MEF2A: variants seen among roughly 807,000 people sequenced by gnomAD.
MEF2A encodes the protein myocyte-specific enhancer factor 2A.
MEF2A carries 28 observed loss-of-function variants against 55.8 expected under a neutral mutation model. The ratio of observed to expected loss-of-function variants is 0.50; its 90% confidence interval spans 0.37 to 0.69. MEF2A has a LOEUF of 0.69. MEF2A is among the 30% of genes least tolerant of loss of function. The probability of loss-of-function intolerance (pLI) is 0.00; values close to 1 mark genes in which losing one functional copy is unlikely to be tolerated. For synonymous variants in MEF2A, 239 were observed against 227.1 expected (o/e 1.05, Z -0.47); for missense variants, 528 against 626.2 (o/e 0.84, Z 1.67).
intron 1 of MEF2A, among the ~76,000 whole-genome samples, chr15:99,579,386 C>CT (rs773934255): frequency 1.3e-5 from 2 of 150,474 alleles, no homozygotes; most frequent in Non-Finnish European, 3.0e-5. Context: ...ATTTTCTGGA[C>CT]TTTATTTTTC....
chr15:99,612,845 G>A (rs1171377579), intron 2 of MEF2A, among the ~76,000 whole-genome samples: 1 of 151,700 alleles, frequency 6.6e-6, no homozygotes, highest in Non-Finnish European at 1.5e-5. Flanking sequence ...CTACTTTGGT[G>A]TGTTGAAACT....
At chr15:99,569,843 T>A (rs1445694821) in intron 1 of MEF2A, among the ~76,000 whole-genome samples, 1 of 152,070 alleles carries the variant, frequency 6.6e-6, no homozygotes, top group Admixed American at 6.5e-5. Context: ...TGGTGTGAAA[T>A]TAATGATTTT....
chr15:99,588,849 A>G (rs914887700), intron 1 of MEF2A, among the ~76,000 whole-genome samples: 3 of 151,508 alleles, frequency 2.0e-5, no homozygotes, highest in Non-Finnish European at 4.4e-5. Flanking sequence ...TTTTTTTGGC[A>G]TGTTAATGTA....
intron 7 of MEF2A, among the ~76,000 whole-genome samples, chr15:99,675,751 G>T (rs1213247959): frequency 6.6e-6 from 1 of 152,130 alleles, no homozygotes; most frequent in Admixed American, 6.5e-5. Flanking sequence ...TAACATATTT[G>T]TCTTGGCCGG....
chr15:99,699,204 A>G (rs114011305), intron 8 of MEF2A, among the ~76,000 whole-genome samples: 1,602 of 152,380 alleles, frequency 0.011, 27 homozygotes, highest in African/African-American at 0.036. Flanking sequence ...ATGTCCTTCA[A>G]CAGATGAATG....
At chr15:99,669,792 A>G (rs2036679536) in intron 4 of MEF2A, among the ~76,000 whole-genome samples, 1 of 152,218 alleles carries the variant, frequency 6.6e-6, no homozygotes, top group African/African-American at 2.4e-5. Flanking sequence ...TTCATTCAAG[A>G]AAAAAGGAGT....
intron 4 of MEF2A, among the ~76,000 whole-genome samples, chr15:99,661,720 T>A (rs2048672200): frequency 6.6e-6 from 1 of 152,026 alleles, no homozygotes; most frequent in South Asian, 2.1e-4. Flanking sequence ...AAAGACAGTT[T>A]GGCATTATCT....
Position 99,636,657 on chromosome 15 carries a change from T to TA in MEF2A, c.54+3490dup, listed in dbSNP as rs573316196. Among the ~76,000 whole-genome samples the TA allele has an allele frequency of 3.0e-3, 453 of 152,336 alleles. 4 individuals are homozygous for TA. The highest frequency in any genetic ancestry group is 0.01 in the African/African-American group (423 of 41,570). Reference sequence around the variant, plus strand: ...CCAGGCCTACACTTTCTTAATGTTTTAAAAAATCAATAATATTTTAATGGT... The same window carrying TA: ...CCAGGCCTACACTTTCTTAATGTTTTAAAAAAATCAATAATATTTTAATGGT... On this transcript the variant is annotated intron_variant, in intron 3 of 11. Transcript: ENST00000557942.
In MEF2A at chr15:99,645,573, AAG is replaced by A; in HGVS notation, c.71_72del (p.Arg24LysfsTer10). Reference sequence around the variant, plus strand: ...TTTTATTGTTTAGGTCACTTTTACAAAGAGAAAGTTTGGATTAATGAAGAAAG... The same window carrying A: ...TTTTATTGTTTAGGTCACTTTTACAAAGAAAGTTTGGATTAATGAAGAAAG... ...DERNRQVTFT[K>X]RKFGLMKKAY... On this transcript the variant is annotated frameshift_variant, in exon 4 of 12. Coordinates refer to ENST00000557942, the MANE Select transcript of MEF2A (RefSeq NM_001319206.4). LOFTEE classifies it high-confidence loss of function. 6.2e-7 allele frequency: 1 copy of A among 1,612,368 alleles called. No homozygotes were observed. Among genetic ancestry groups the A allele is most frequent in the Non-Finnish European group, 8.5e-7 (1 of 1,179,090 alleles).
chr15:99,667,058 G>A (rs992803635), intron 4 of MEF2A, among the ~76,000 whole-genome samples: 1 of 152,140 alleles, frequency 6.6e-6, no homozygotes, highest in African/African-American at 2.4e-5. Context: ...TTAAAGAACA[G>A]CATACTACTT....
In MEF2A at chr15:99,627,680, A is replaced by G. The variant is rs369876416; in HGVS notation, c.-142-5298A>G. On this transcript the variant is annotated intron_variant, in intron 2 of 11. Transcript: ENST00000557942. ...TTTGAAGCATGTAAAGGGAATGTGC[A>G]TCTCTGATGTTGCTGGCAATAAGCT... Among the ~76,000 whole-genome samples the G allele has an allele frequency of 3.3e-5, 5 of 152,328 alleles. No homozygotes were observed. The East Asian group carries it at 5.8e-4, about 18-fold the overall frequency.
chr15:99,571,397 G>A (rs1255009318), intron 1 of MEF2A, among the ~76,000 whole-genome samples: 1 of 152,130 alleles, frequency 6.6e-6, no homozygotes, highest in Non-Finnish European at 1.5e-5. Context: ...AAAGTGCAGT[G>A]CCTGGTATAT....
chr15:99,676,760 C>T lies in MEF2A; in HGVS notation c.670+1302C>T, dbSNP rs1391642461. Among the ~76,000 whole-genome samples the T allele has an allele frequency of 7.9e-5, 12 of 152,014 alleles. No individual in the cohort carries two copies. In the East Asian group the frequency reaches 1.2e-3, roughly 15 times the overall value. On this transcript the variant is annotated intron_variant, in intron 7 of 11. Coordinates refer to ENST00000557942, the MANE Select transcript of MEF2A (RefSeq NM_001319206.4). ...AATTTTTTTGTATTTTTAGTAGAGA[C>T]GGAGTTTCACCGTGTTAGCCAGGAT...
intron 2 of MEF2A, among the ~76,000 whole-genome samples, chr15:99,601,807 TTGTGTGTGTGTGTGTG>T (rs56729766): frequency 0.046 from 6,372 of 138,874 alleles, 275 homozygotes; most frequent in African/African-American, 0.1. Flanking sequence ...TTTGTCTGTT[TTGTGTGTGTGTGTGTG>T]TGTGTGTGTG....
At chr15:99,596,715 G>A (rs1042598870) in intron 1 of MEF2A, among the ~76,000 whole-genome samples, 2 of 152,192 alleles carry the variant, frequency 1.3e-5, no homozygotes, top group Admixed American at 1.3e-4. Flanking sequence ...CAATAGGAGC[G>A]AGGAGAGAGA....
At chr15:99,600,433 T>TAGA (rs1288262237) in intron 2 of MEF2A, among the ~76,000 whole-genome samples, 1 of 152,164 alleles carries the variant, frequency 6.6e-6, no homozygotes, top group African/African-American at 2.4e-5. Context: ...AAGCTCAGAT[T>TAGA]AGAGATTTTC....
chr15:99,584,256 C>G (rs1007147416), intron 1 of MEF2A, among the ~76,000 whole-genome samples: 1 of 152,014 alleles, frequency 6.6e-6, no homozygotes, highest in Non-Finnish European at 1.5e-5. Flanking sequence ...ATGTGGATCA[C>G]TATGGAGAAG....
intron 2 of MEF2A, among the ~76,000 whole-genome samples, chr15:99,612,329 A>G (rs1021302614): frequency 3.3e-5 from 5 of 152,060 alleles, no homozygotes; most frequent in African/African-American, 1.2e-4. Context: ...AGGCAGGAGA[A>G]TGGCATGAAC....
chr15:99,604,430 G>T (rs1030120392), intron 2 of MEF2A, among the ~76,000 whole-genome samples: 1 of 151,470 alleles, frequency 6.6e-6, no homozygotes. Context: ...TCCCATCCAG[G>T]GTGTTTTTAA....
Sources: gnomAD v4.1 joint callset for allele counts (sites outside exome capture counted in the v4.1 genomes callset) on GRCh38, gnomAD v4.1.1 for gene constraint, MANE v1.5 for transcripts, NCBI Gene and HGNC (gene_info 2026-07-23, HGNC 2026-07-21) for gene names.